Variants in UBAP1 observed in about 807,000 individuals in gnomAD.
The protein encoded by UBAP1 is ubiquitin associated protein 1, also known as ubiquitin-associated protein 1.
In UBAP1, 5 loss-of-function variants were observed where a neutral mutation model predicts 39.0. That is an observed-to-expected ratio of 0.13 (90% confidence interval 0.07 to 0.27). The LOEUF (loss-of-function observed/expected upper bound fraction) is 0.27, where lower values mean the gene tolerates loss of function less well. Ranked by LOEUF, UBAP1 falls within the 10% of genes least tolerant of loss-of-function variation. The pLI, the probability that UBAP1 is intolerant of heterozygous loss-of-function variation, is 1.00. For missense variants in UBAP1, 490 were observed against 608.1 expected (o/e 0.81, Z 2.04); for synonymous variants, 211 against 225.1 (o/e 0.94, Z 0.56).
At chr9:34,248,385 G>T (rs1834287435) in intron 4 of UBAP1, among the ~76,000 whole-genome samples, 1 of 152,174 alleles carries the variant, frequency 6.6e-6, no homozygotes, top group African/African-American at 2.4e-5. Context: ...GTGTATGCCT[G>T]CATCCCACCA....
chr9:34,198,788 T>C (rs1831203068), intron 1 of UBAP1, among the ~76,000 whole-genome samples: 3 of 152,208 alleles, frequency 2.0e-5, no homozygotes, highest in Non-Finnish European at 4.4e-5. Flanking sequence ...AAGCTGAATG[T>C]CTGCCTTGGG....
At chr9:34,181,707 C>T (rs1452635798) in intron 1 of UBAP1, among the ~76,000 whole-genome samples, 1 of 144,612 alleles carries the variant, frequency 6.9e-6, no homozygotes. Context: ...GCTGGGATTA[C>T]AGGCGTGAGC....
chr9:34,194,744 A>G (rs557732738), intron 1 of UBAP1, among the ~76,000 whole-genome samples: 4 of 152,318 alleles, frequency 2.6e-5, no homozygotes, highest in African/African-American at 9.6e-5. Context: ...CTTTGTATGC[A>G]TTATCTCATT....
In UBAP1 at chr9:34,241,910, T is replaced by C. The variant is rs750987679; in HGVS notation, c.885T>C (p.Asn295=). 7.4e-6 allele frequency: 12 copies of C among 1,614,212 alleles called. No individual in the cohort carries two copies. The highest frequency in any genetic ancestry group is 1.6e-4 in the Middle Eastern group (1 of 6,062). ...STFHSTSCLR[N]GTFQNSLKPS... ...TCCATAGCACATCCTGCCTCCGCAA[T>C]GGCACGTTCCAGAATTCCCTAAAGC... is the stretch of plus-strand genomic sequence containing the variant. Residue 295 remains asparagine (N), a synonymous_variant, in exon 4 of 7, where the codon AAT becomes AAC. Transcript: ENST00000297661.
chr9:34,242,203 G>C, intron 4 of UBAP1, 95 bp downstream of exon 4: 1 of 1,290,304 alleles, frequency 7.8e-7, no homozygotes, highest in South Asian at 1.4e-5. Context: ...TCGAGACAGG[G>C]TCTCATTCTG....
chr9:34,179,287 G>T, intron 1 of UBAP1, 47 bp downstream of exon 1: 1 of 1,080,874 alleles, frequency 9.3e-7, no homozygotes, highest in African/African-American at 1.6e-5. Flanking sequence ...GGCGGAGTTG[G>T]GGGAGGGGGG....
rs1403603284 is a variant in UBAP1 at position 34,249,867 on chromosome 9, G to A, written c.1172G>A (p.Ser391Asn). The part of the protein sequence containing the change: ...AYSELQMLSP[S>N]ERQCVETVVN... ...TCTGAACTGCAGATGCTGTCCCCCA[G>A]CGAGCGGCAGTGTGTGGAGACGGTG... is the stretch of plus-strand genomic sequence containing the variant. The change falls in exon 5 of 7, where the codon AGC becomes AAC. Residue 391 changes from serine to asparagine, a missense_variant. Transcript: ENST00000297661. 6.2e-7 allele frequency: 1 copy of A among 1,614,228 alleles called. No individual in the cohort carries two copies.
intron 1 of UBAP1, among the ~76,000 whole-genome samples, chr9:34,219,595 A>G (rs117087982): frequency 0.015 from 2,328 of 151,932 alleles, 25 homozygotes; most frequent in Admixed American, 0.026. Context: ...CAGATTTTCT[A>G]ACTTTTTGCC....
In UBAP1 at chr9:34,216,604, T is replaced by C. The variant is rs1374049115; in HGVS notation, c.-7-4304T>C. Among the ~76,000 whole-genome samples, 3 of 151,414 alleles carry C rather than the reference T, an allele frequency of 2.0e-5. No homozygotes were observed. The South Asian group carries it at 6.3e-4, about 32-fold the overall frequency. ...CCACCTGGACTCAAGTGAACCTGATTAGCTGGGACTACAGGCATGCACCAC... is the reference window on the plus strand; with the variant it reads ...CCACCTGGACTCAAGTGAACCTGATCAGCTGGGACTACAGGCATGCACCAC... On this transcript the variant is annotated intron_variant, in intron 1 of 6. Coordinates refer to ENST00000297661, the MANE Select transcript of UBAP1 (RefSeq NM_016525.5).
At position 34,179,325 on chromosome 9, in the gene UBAP1, T is replaced by C. The variant is rs1461621269; in HGVS notation, c.-8+85T>C. ...GGTACTGGGAGACTGGGAAACGGGATGGGGGGCCGAGCGAGGTGAAGGGCG... is the reference window on the plus strand; with the variant it reads ...GGTACTGGGAGACTGGGAAACGGGACGGGGGGCCGAGCGAGGTGAAGGGCG... On this transcript the variant is annotated intron_variant, in intron 1 of 6. Coordinates refer to ENST00000297661, the MANE Select transcript of UBAP1 (RefSeq NM_016525.5). 2.2e-5 allele frequency: 7 copies of C among 319,658 alleles called. No homozygotes were observed. In the East Asian group the frequency reaches 7.0e-4, roughly 32 times the overall value. 19.8% of individuals were successfully genotyped at this position (319,658 alleles called of 1,614,324 possible).
At chr9:34,208,229 TA>T (rs1385865088) in intron 1 of UBAP1, among the ~76,000 whole-genome samples, 3 of 152,206 alleles carry the variant, frequency 2.0e-5, no homozygotes, top group Non-Finnish European at 2.9e-5. Flanking sequence ...CTTTTTTTTT[TA>T]ATCAAGGATT....
chr9:34,196,094 A>T (rs1831038720), intron 1 of UBAP1, among the ~76,000 whole-genome samples: 1 of 151,118 alleles, frequency 6.6e-6, no homozygotes, highest in Admixed American at 6.6e-5. Context: ...TATGATTTTT[A>T]AAATTAGCTT....
At chr9:34,250,875 CA>C (rs1834464459) in intron 6 of UBAP1, 116 bp downstream of exon 6, 1 of 848,206 alleles carries the variant, frequency 1.2e-6, no homozygotes, top group Non-Finnish European at 2.0e-6. Context: ...ACTACAGGTA[CA>C]AGTATTTGAA....
At chr9:34,226,289 G>C (rs2131592548) in intron 2 of UBAP1, among the ~76,000 whole-genome samples, 1 of 150,418 alleles carries the variant, frequency 6.6e-6, no homozygotes, top group East Asian at 1.9e-4. Context: ...GAGTGCAGTG[G>C]TGCCATCTCT....
At position 34,250,710 on chromosome 9, in the gene UBAP1, C is replaced by T; in HGVS notation, c.1319C>T (p.Pro440Leu). 3 of 1,613,746 alleles carry T rather than the reference C, an allele frequency of 1.9e-6. No homozygotes were observed. The highest frequency in any genetic ancestry group is 2.5e-6 in the Non-Finnish European group (3 of 1,179,738). Residue 440 changes from proline to leucine, a missense_variant, in exon 6 of 7, where the codon CCT becomes CTT. This residue lies in a region of UBAP1 where 339 missense variants were observed against 390.0 expected (regional missense o/e 0.87). Coordinates refer to ENST00000297661, the MANE Select transcript of UBAP1 (RefSeq NM_016525.5). ...HGQLCEKGFDPLLVEEALEMH... is the reference protein window; with the variant it reads ...HGQLCEKGFDLLLVEEALEMH... ...CAGCTTTGTGAGAAGGGCTTCGACC[C>T]TCTTTTAGTGGAAGAGGCTCTGGAA...
chr9:34,241,156 C>T (rs1833933822), intron 3 of UBAP1, 29 bp from the exon 4 acceptor site: 2 of 1,399,930 alleles, frequency 1.4e-6, no homozygotes, highest in African/African-American at 1.4e-5. Flanking sequence ...CCTGGGTTCA[C>T]ACCCCCTTCC....
intron 1 of UBAP1, among the ~76,000 whole-genome samples, chr9:34,208,440 C>T (rs1002846834): frequency 6.0e-5 from 9 of 149,468 alleles, no homozygotes; most frequent in East Asian, 2.0e-4. Context: ...GTCAGGAGTT[C>T]GAGACCATCC....
chr9:34,182,679 CTTTCTCTCTCTCTTTCTTT>C (rs1830147251), intron 1 of UBAP1, among the ~76,000 whole-genome samples: 2 of 99,850 alleles, frequency 2.0e-5, no homozygotes, highest in Non-Finnish European at 4.2e-5. Flanking sequence ...TTCTTTCTTT[CTTTCTCTCTCTCTTTCTTT>C]TCTTTTCTTT....
intron 1 of UBAP1, among the ~76,000 whole-genome samples, chr9:34,183,047 G>A (rs567459650): frequency 1.3e-5 from 2 of 152,040 alleles, no homozygotes; most frequent in East Asian, 3.9e-4. Context: ...CAAAGTGCTG[G>A]GATTATAGGC....
Sources: gnomAD v4.1 joint callset for allele counts (sites outside exome capture counted in the v4.1 genomes callset) on GRCh38, gnomAD v4.1.1 for gene constraint, gnomAD v4.1.1 regional missense constraint, MANE v1.5 for transcripts, NCBI Gene and HGNC (gene_info 2026-07-23, HGNC 2026-07-21) for gene names.